Variants in P2RX3 observed in about 807,000 individuals in gnomAD.
P2RX3 encodes the protein P2X purinoceptor 3.
Under a neutral mutation model 51.5 loss-of-function variants are expected in P2RX3, and 41 were observed. The ratio of observed to expected loss-of-function variants is 0.80; its 90% CI spans 0.62 to 1.03. The LOEUF is 1.03. Among genes scored for constraint, P2RX3 ranks in the 50% least tolerant of loss-of-function variants. The probability of loss-of-function intolerance (pLI) is 0.00; values close to 1 mark genes in which losing one functional copy is unlikely to be tolerated. For missense variants in P2RX3, 459 were observed against 522.1 expected (o/e 0.88, Z 1.18); for synonymous variants, 185 against 191.6 (o/e 0.97, Z 0.29).
rs1017461283 is a variant in P2RX3, at chr11:57,348,633, C to G, written c.492C>G (p.Ile164Met). The G allele has an allele frequency of 2.5e-6, 4 of 1,613,742 alleles. No homozygotes were observed. The highest frequency in any genetic ancestry group is 2.7e-5 in the African/African-American group (2 of 74,922). ...CTCCTGTGCTCACCCACAGGCCCAT[C>G]ATGATGGAAGCTGAGAACTTCACTA... Reference protein sequence around the residue: ...PTEVDTVETPIMMEAENFTIF... With the variant: ...PTEVDTVETPMMMEAENFTIF... Residue 164 changes from isoleucine to methionine, a missense_variant, in exon 6 of 12, where the codon ATC (isoleucine) becomes ATG (methionine). Physicochemically the swap from Ile to Met is conservative, Grantham distance 10. Transcript: ENST00000263314.
In P2RX3 at chr11:57,346,613, G is replaced by A. The variant is rs749904115; in HGVS notation, c.189G>A (p.Lys63=). The stretch of plus-strand genomic sequence containing the variant: ...CCATTGAGTCCTCGGTGGTAACCAA[G>A]GTGAAGGGCTCCGGACTCTACGCCA... The part of the protein sequence containing the change: ...DTAIESSVVT[K]VKGSGLYANR... The change falls in exon 2 of 12, where the codon AAG becomes AAA. Residue 63 remains lysine, a synonymous_variant. Coordinates refer to ENST00000263314, the MANE Select transcript of P2RX3 (RefSeq NM_002559.5). 1.3e-5 allele frequency: 21 copies of A among 1,614,184 alleles called. No homozygotes were observed. The South Asian group carries it at 1.3e-4, about 10-fold the overall frequency.
intron 1 of P2RX3, among the ~76,000 whole-genome samples, chr11:57,342,714 TG>T (rs1856363920): frequency 6.6e-6 from 1 of 152,056 alleles, no homozygotes; most frequent in Non-Finnish European, 1.5e-5. Context: ...CTTGCGGAGA[TG>T]GTGACTCAGT....
At chr11:57,364,084 C>T (rs557004119) in intron 8 of P2RX3, among the ~76,000 whole-genome samples, 48 of 152,264 alleles carry the variant, frequency 3.2e-4, no homozygotes, top group Middle Eastern at 3.4e-3. Context: ...CTGTCAGAGC[C>T]GTTTTCATGG....
Position 57,347,249 on chromosome 11 carries a change from A to G in P2RX3, c.327+62A>G. 5 of 1,569,154 alleles carry G rather than the reference A, an allele frequency of 3.2e-6. No individual in the cohort carries two copies. The South Asian group carries it at 5.6e-5, about 18-fold the overall frequency. ...GGCTGAAAATGTTGGTGGGAGTGGG[A>G]GCAGTGGCAGGGAGGTATGAGCAGA... On this transcript the variant is annotated intron_variant, in intron 3 of 11. Transcript: ENST00000263314.
intron 1 of P2RX3, chr11:57,340,651 C>G (rs1285631069): frequency 6.6e-6 from 1 of 152,322 alleles, no homozygotes; most frequent in East Asian, 1.9e-4. Flanking sequence ...CTGGGGCTTA[C>G]AGCGGAAGGC....
intron 1 of P2RX3, among the ~76,000 whole-genome samples, chr11:57,343,334 G>A (rs914467837): frequency 2.0e-5 from 3 of 152,224 alleles, no homozygotes; most frequent in African/African-American, 7.2e-5. Flanking sequence ...CCTAAGCCAG[G>A]AGATGCTTTC....
chr11:57,344,128 T>C (rs1386962279), intron 1 of P2RX3, among the ~76,000 whole-genome samples: 1 of 152,174 alleles, frequency 6.6e-6, no homozygotes, highest in Non-Finnish European at 1.5e-5. Context: ...CGCAAGTCAC[T>C]CTAAGTGGTG....
intron 8 of P2RX3, among the ~76,000 whole-genome samples, chr11:57,357,443 C>A (rs922335754): frequency 5.9e-5 from 9 of 152,218 alleles, no homozygotes; most frequent in African/African-American, 2.2e-4. Flanking sequence ...CAAACCCTAG[C>A]AGTCTGGCTC....
At chr11:57,361,336 G>C (rs1287357657) in intron 8 of P2RX3, among the ~76,000 whole-genome samples, 1 of 152,026 alleles carries the variant, frequency 6.6e-6, no homozygotes, top group Non-Finnish European at 1.5e-5. Context: ...AGGACGTGCA[G>C]GTTTGTTACG....
chr11:57,366,215 G>A (rs556170257), intron 8 of P2RX3, among the ~76,000 whole-genome samples: 5 of 152,312 alleles, frequency 3.3e-5, no homozygotes, highest in African/African-American at 4.8e-5. Flanking sequence ...CCACGCAGCA[G>A]GAAGTGCACT....
chr11:57,369,729 C>G lies in P2RX3; in HGVS notation c.1081-155C>G, dbSNP rs80105392. On this transcript the variant is annotated intron_variant, in intron 11 of 11. Transcript: ENST00000263314. The stretch of plus-strand genomic sequence containing the variant: ...GATGAATGGGGTTTCTGTTTGCCCT[C>G]GGGGTACATGGGAGGGGCCTTGGGA... 7.8e-3 allele frequency among the ~76,000 whole-genome samples: 1,180 copies of G among 152,152 alleles called. 21 individuals are homozygous for G. Among genetic ancestry groups the G allele is most frequent in the African/African-American group, 0.027 (1,124 of 41,504 alleles).
intron 8 of P2RX3, among the ~76,000 whole-genome samples, chr11:57,360,313 C>T (rs1441423122): frequency 2.6e-5 from 4 of 152,170 alleles, no homozygotes; most frequent in Non-Finnish European, 5.9e-5. Context: ...TTGTTACTAC[C>T]TTATACTAGC....
At chr11:57,337,417 A>G (rs982237575), upstream of P2RX3, among the ~76,000 whole-genome samples, 14 of 151,686 alleles carry the variant, frequency 9.2e-5, no homozygotes, top group African/African-American at 3.4e-4. Flanking sequence ...CTAACAAATG[A>G]CTTTAATAAA....
At chr11:57,365,610 C>T (rs1459275166) in intron 8 of P2RX3, among the ~76,000 whole-genome samples, 1 of 152,190 alleles carries the variant, frequency 6.6e-6, no homozygotes, top group Non-Finnish European at 1.5e-5. Flanking sequence ...TTCGCATTTA[C>T]CCTGTCTCAC....
In P2RX3 at chr11:57,346,579, G is replaced by A. The variant is rs771445950; in HGVS notation, c.155G>A (p.Arg52Gln). Residue 52 changes from arginine to glutamine, a missense_variant, in exon 2 of 12, where the codon CGG becomes CAG. Arg to Gln is a conservative substitution (Grantham distance 43, BLOSUM62 1). Transcript: ENST00000263314. Reference protein sequence around the residue: ...VFLHEKAYQVRDTAIESSVVT... With the variant: ...VFLHEKAYQVQDTAIESSVVT... ...TTGCACGAGAAGGCTTACCAGGTAC[G>A]GGACACAGCCATTGAGTCCTCGGTG... is the stretch of plus-strand genomic sequence containing the variant. The A allele has an allele frequency of 6.2e-6, 10 of 1,613,986 alleles. No individual in the cohort carries two copies. Among genetic ancestry groups the A allele is most frequent in the South Asian group, 3.3e-5 (3 of 91,070 alleles).
intron 11 of P2RX3, 149 bp downstream of exon 11, chr11:57,369,587 TTGG>T: frequency 1.3e-6 from 1 of 773,968 alleles, no homozygotes. Flanking sequence ...AAGGGAAGGC[TTGG>T]CCAAGACTGG....
intron 1 of P2RX3, among the ~76,000 whole-genome samples, chr11:57,339,903 A>C (rs1856307294): frequency 6.6e-6 from 1 of 152,184 alleles, no homozygotes; most frequent in East Asian, 1.9e-4. Context: ...GTGCTGGGCA[A>C]GCCCTGGTAG....
chr11:57,351,913 T>C (rs1856555070), intron 8 of P2RX3, among the ~76,000 whole-genome samples: 1 of 152,230 alleles, frequency 6.6e-6, no homozygotes, highest in Non-Finnish European at 1.5e-5. Context: ...GATACATGTA[T>C]ACATTGTGGA....
intron 8 of P2RX3, among the ~76,000 whole-genome samples, chr11:57,361,644 TA>T (rs1266625666): frequency 3.9e-5 from 6 of 152,242 alleles, no homozygotes; most frequent in African/African-American, 1.4e-4. Flanking sequence ...CATGGCTGCA[TA>T]GTATTCCATG....
Sources: allele counts gnomAD v4.1 joint callset (sites outside exome capture counted in the v4.1 genomes callset), GRCh38; gene constraint gnomAD v4.1.1; transcripts MANE v1.5; gene names NCBI Gene and HGNC (gene_info 2026-07-23, HGNC 2026-07-21).